CACNA1C: variants seen among roughly 807,000 people sequenced by gnomAD.
CACNA1C encodes the protein voltage-dependent L-type calcium channel subunit alpha-1C.
CACNA1C carries 30 observed loss-of-function variants against 229.0 expected under a neutral mutation model. The observed-to-expected ratio is 0.13, with a 90% confidence interval of 0.10 to 0.18. The LOEUF (loss-of-function observed/expected upper bound fraction) is 0.18, where lower values mean the gene tolerates loss of function less well. Ranked by LOEUF, CACNA1C falls within the 10% of genes least tolerant of loss-of-function variation. The pLI, the probability that CACNA1C is intolerant of heterozygous loss-of-function variation, is 1.00. For missense variants in CACNA1C, 1,658 were observed against 2,845.0 expected (o/e 0.58, Z 9.49); for synonymous variants, 1,114 against 1,132.5 (o/e 0.98, Z 0.33).
chr12:2,362,558 G>A (rs1218719342), intron 3 of CACNA1C, among the ~76,000 whole-genome samples: 1 of 152,178 alleles, frequency 6.6e-6, no homozygotes, highest in East Asian at 1.9e-4. Context: ...TTGTTCTCCT[G>A]CTGGGGTGCA....
chr12:2,380,030 C>CAA (rs1172016514), intron 3 of CACNA1C, among the ~76,000 whole-genome samples: 7 of 80,160 alleles, frequency 8.7e-5, no homozygotes, highest in African/African-American at 1.4e-4. Flanking sequence ...GACTCCGTCT[C>CAA]AAAAAAAAAA....
chr12:2,438,084 ATGG>A (rs1203468300), intron 3 of CACNA1C, among the ~76,000 whole-genome samples: 1 of 138,626 alleles, frequency 7.2e-6, no homozygotes. Flanking sequence ...GATGGTGGTA[ATGG>A]TGGTGGCAGT....
intron 1 of CACNA1C, among the ~76,000 whole-genome samples, chr12:2,105,643 G>A (rs2078035092): frequency 9.2e-6 from 1 of 109,180 alleles, no homozygotes; most frequent in African/African-American, 3.3e-5. Context: ...CCCCGGGGAG[G>A]GTTTCCACCT....
chr12:2,182,282 G>C (rs1429431370), intron 3 of CACNA1C, among the ~76,000 whole-genome samples: 7 of 152,168 alleles, frequency 4.6e-5, no homozygotes, highest in African/African-American at 1.4e-4. Context: ...CCCGTTGTGT[G>C]AGTGAGAACA....
intron 5 of CACNA1C, among the ~76,000 whole-genome samples, chr12:2,472,600 C>CTATA (rs557010433): frequency 6.6e-6 from 1 of 151,720 alleles, no homozygotes. Flanking sequence ...AGCACTCTCT[C>CTATA]TATATATATA....
intron 2 of CACNA1C, among the ~76,000 whole-genome samples, chr12:2,115,762 AT>A (rs2083579054): frequency 1.3e-5 from 2 of 152,334 alleles, no homozygotes; most frequent in South Asian, 4.1e-4. Flanking sequence ...GGGCCCAGCA[AT>A]CTGCTTGTAT....
At position 2,077,200 on chromosome 12, in the gene CACNA1C, G is replaced by C. The variant is rs527478121; in HGVS notation, c.49+23589G>C. Among the ~76,000 whole-genome samples the C allele has an allele frequency of 2.6e-5, 4 of 152,340 alleles. No homozygotes were observed. In the South Asian group the frequency reaches 8.3e-4, roughly 32 times the overall value. On this transcript the variant is annotated intron_variant, in intron 1 of 46. Transcript: ENST00000399655. Reference sequence around the variant, plus strand: ...GCATGTTGTTTAAATTTGAACATTAGCTAACCTTCTAGGTAAGTGTTTCAT... The same window carrying C: ...GCATGTTGTTTAAATTTGAACATTACCTAACCTTCTAGGTAAGTGTTTCAT...
chr12:1,995,336 T>G (rs1213617068), intron 1 of CACNA1C, among the ~76,000 whole-genome samples: 1 of 152,266 alleles, frequency 6.6e-6, no homozygotes, highest in Admixed American at 6.5e-5. Flanking sequence ...GAACGCACCC[T>G]GTGTGCATGG....
At chr12:2,427,872 G>A (rs567100003) in intron 3 of CACNA1C, among the ~76,000 whole-genome samples, 36 of 152,046 alleles carry the variant, frequency 2.4e-4, no homozygotes, top group Non-Finnish European at 4.4e-4. Context: ...TGCCCATCTC[G>A]GCCTCCCAAA....
chr12:2,196,932 G>A (rs1215545931), intron 3 of CACNA1C, among the ~76,000 whole-genome samples: 1 of 152,222 alleles, frequency 6.6e-6, no homozygotes, highest in Non-Finnish European at 1.5e-5. Flanking sequence ...CAGGGGGGCT[G>A]GGGAAAGCGA....
chr12:2,252,646 A>G (rs989057697), intron 3 of CACNA1C, among the ~76,000 whole-genome samples: 25 of 152,238 alleles, frequency 1.6e-4, no homozygotes, highest in Non-Finnish European at 1.6e-4. Context: ...GGTGGGTTCC[A>G]GGAGATTATT....
intron 1 of CACNA1C, among the ~76,000 whole-genome samples, chr12:2,087,895 G>A (rs1191674833): frequency 2.0e-5 from 3 of 152,184 alleles, no homozygotes; most frequent in Admixed American, 6.5e-5. Context: ...TAATGGTTCC[G>A]GATGATTTTG....
At chr12:2,523,380 G>A (rs1055645756) in intron 9 of CACNA1C, among the ~76,000 whole-genome samples, 7 of 152,180 alleles carry the variant, frequency 4.6e-5, no homozygotes, top group Non-Finnish European at 1.0e-4. Flanking sequence ...TCAGTTCAGG[G>A]TTCCTTGGGA....
intron 1 of CACNA1C, among the ~76,000 whole-genome samples, chr12:2,104,846 C>T (rs1393864949): frequency 6.6e-6 from 1 of 152,220 alleles, no homozygotes; most frequent in Non-Finnish European, 1.5e-5. Context: ...CCTCTCCATG[C>T]TTGGAAATAA....
rs1038102380 is a variant in CACNA1C at position 2,044,978 on chromosome 12, C to T, written c.140-70246C>T. ...AGAATGCAAATACAAACTGAGCCGT[C>T]ATTTATTATTCATCCTTGGGTGAGA... On this transcript the variant is annotated intron_variant, in intron 1 of 46. Coordinates refer to the CACNA1C transcript ENST00000682462. Among the ~76,000 whole-genome samples the T allele has an allele frequency of 1.3e-5, 2 of 152,166 alleles. 1 individual carries two copies. Among genetic ancestry groups the T allele is most frequent in the Admixed American group, 1.3e-4 (2 of 15,282 alleles).
rs1555200266 is a variant in CACNA1C at position 2,120,684 on chromosome 12, G to GTGTGTA, written c.477+259_477+260insATGTGT. On this transcript the variant is annotated intron_variant, in intron 3 of 46. Coordinates refer to ENST00000399655, the MANE Select transcript of CACNA1C (RefSeq NM_000719.7). ...TGTGTGTGTGTGTGTGTGTGTGTGT[G>GTGTGTA]TGTGTGTGTGTGTTTAGTAGCAAAT... is the stretch of plus-strand genomic sequence containing the variant. Among the ~76,000 whole-genome samples the GTGTGTA allele has an allele frequency of 9.9e-5, 15 of 151,406 alleles. 1 individual carries two copies. Among genetic ancestry groups the GTGTGTA allele is most frequent in the Admixed American group, 7.2e-4 (11 of 15,180 alleles).
chr12:1,988,422 T>C (rs2038412363), intron 1 of CACNA1C, among the ~76,000 whole-genome samples: 1 of 152,212 alleles, frequency 6.6e-6, no homozygotes, highest in African/African-American at 2.4e-5. Context: ...ATAGCCATAC[T>C]TGAGTACAAC....
intron 5 of CACNA1C, among the ~76,000 whole-genome samples, chr12:2,463,053 T>A (rs373510320): frequency 6.6e-6 from 1 of 150,964 alleles, no homozygotes; most frequent in Non-Finnish European, 1.5e-5. Context: ...GCTGGGACTA[T>A]AGGCACCCGC....
At chr12:2,350,632 T>C (rs2097177781) in intron 3 of CACNA1C, among the ~76,000 whole-genome samples, 2 of 152,230 alleles carry the variant, frequency 1.3e-5, no homozygotes, top group Admixed American at 1.3e-4. Flanking sequence ...CCCGAATGCC[T>C]GGATGATGAA....
Sources: allele counts gnomAD v4.1 joint callset (sites outside exome capture counted in the v4.1 genomes callset), GRCh38; gene constraint gnomAD v4.1.1; transcripts MANE v1.5; gene names NCBI Gene and HGNC (gene_info 2026-07-23, HGNC 2026-07-21).